The following EAF2 variants were observed in gnomAD, a reference collection of about 807,000 sequenced individuals.
The protein encoded by EAF2 is ELL associated factor 2, also known as ELL-associated factor 2.
EAF2 carries 29 observed loss-of-function variants against 29.4 expected under a neutral mutation model. The observed-to-expected ratio is 0.99, with a 90% CI of 0.73 to 1.35. The LOEUF (loss-of-function observed/expected upper bound fraction) is 1.35. EAF2 is among the 40% of genes most tolerant of loss of function. The pLI, the probability that EAF2 is intolerant of heterozygous loss-of-function variation, is 0.00. For synonymous variants in EAF2, 103 were observed against 102.5 expected (o/e 1.00, Z -0.03); for missense variants, 292 against 312.0 (o/e 0.94, Z 0.48).
chr3:121,874,655 A>G (rs147930981), intron 5 of EAF2, among the ~76,000 whole-genome samples: 37 of 152,044 alleles, frequency 2.4e-4, no homozygotes, highest in African/African-American at 8.4e-4. Context: ...GGGGTTCAGG[A>G]TATTTTATAT....
At chr3:121,879,350 T>C (rs371667346) in intron 5 of EAF2, among the ~76,000 whole-genome samples, 73 of 152,224 alleles carry the variant, frequency 4.8e-4, no homozygotes, top group African/African-American at 1.7e-3. Flanking sequence ...CTTTACTCCA[T>C]TGATTGTTTC....
chr3:121,881,862 G>A (rs371127108), intron 5 of EAF2, among the ~76,000 whole-genome samples: 21 of 152,066 alleles, frequency 1.4e-4, no homozygotes, highest in African/African-American at 3.4e-4. Flanking sequence ...ACATAGGAAC[G>A]GATGGTTTTG....
intron 5 of EAF2, among the ~76,000 whole-genome samples, chr3:121,880,285 G>C (rs1709170926): frequency 1.3e-5 from 2 of 148,484 alleles, no homozygotes; most frequent in African/African-American, 5.0e-5. Context: ...TGGGACTATA[G>C]GTGTGCACCA....
intron 4 of EAF2, among the ~76,000 whole-genome samples, chr3:121,864,900 G>C (rs766901736): frequency 6.6e-6 from 1 of 152,024 alleles, no homozygotes; most frequent in Non-Finnish European, 1.5e-5. Flanking sequence ...AGCATATGTT[G>C]TATCATCTGA....
At position 121,844,450 on chromosome 3, in the gene EAF2, T is replaced by C. The variant is rs1464350528; in HGVS notation, c.107-3T>C. The C allele has an allele frequency of 6.3e-7, 1 of 1,590,132 alleles. No homozygotes were observed. Among genetic ancestry groups the C allele is most frequent in the Non-Finnish European group, 8.6e-7 (1 of 1,167,622 alleles). ...AAAAATTGGTATTTGTATCTATTTT[T>C]AGATGACTTCAAACCTGCTTCTATT... On this transcript the variant is annotated splice_polypyrimidine_tract_variant and splice_region_variant and intron_variant, in intron 1 of 5. Transcript: ENST00000273668.
chr3:121,869,078 TA>T (rs1414888069), intron 4 of EAF2, among the ~76,000 whole-genome samples: 7 of 152,312 alleles, frequency 4.6e-5, no homozygotes, highest in African/African-American at 1.7e-4. Context: ...GAGATATCTC[TA>T]AACACTTGAA....
chr3:121,840,552 T>TC (rs1463022518), intron 1 of EAF2, among the ~76,000 whole-genome samples: 2 of 133,902 alleles, frequency 1.5e-5, no homozygotes, highest in East Asian at 4.8e-4. Context: ...ACGCCTGTAA[T>TC]CCCAGCACTT....
intron 2 of EAF2, among the ~76,000 whole-genome samples, chr3:121,847,423 CA>C (rs1162136257): frequency 1.3e-5 from 2 of 152,072 alleles, no homozygotes; most frequent in African/African-American, 2.4e-5. Flanking sequence ...GATACAACAA[CA>C]AAAGAAAGTT....
chr3:121,857,646 A>G (rs1258328720), intron 4 of EAF2, among the ~76,000 whole-genome samples: 5 of 152,158 alleles, frequency 3.3e-5, no homozygotes, highest in Admixed American at 3.3e-4. Flanking sequence ...TTATGTAAGC[A>G]ATATCCATAT....
At chr3:121,846,717 G>T (rs78883614) in intron 2 of EAF2, among the ~76,000 whole-genome samples, 18,373 of 142,112 alleles carry the variant, frequency 0.13, 1,255 homozygotes, top group African/African-American at 0.18. Flanking sequence ...CACTTTAGTT[G>T]GATTTTTTTT....
intron 4 of EAF2, among the ~76,000 whole-genome samples, chr3:121,860,541 C>G (rs1407589202): frequency 6.6e-6 from 1 of 152,138 alleles, no homozygotes; most frequent in Non-Finnish European, 1.5e-5. Flanking sequence ...GTTATTGTAT[C>G]TATTTGATTC....
intron 2 of EAF2, among the ~76,000 whole-genome samples, chr3:121,847,717 T>C (rs1708553994): frequency 6.6e-6 from 1 of 152,198 alleles, no homozygotes; most frequent in South Asian, 2.1e-4. Context: ...AACCATTGTT[T>C]TATATGTGCA....
chr3:121,885,739 C>G (rs1336429510), intron 5 of EAF2, among the ~76,000 whole-genome samples: 1 of 152,168 alleles, frequency 6.6e-6, no homozygotes, highest in East Asian at 1.9e-4. Flanking sequence ...CTCAAAAAGG[C>G]CTTCAAAACT....
chr3:121,885,074 AT>A (rs1709261330), intron 5 of EAF2, among the ~76,000 whole-genome samples: 2 of 152,150 alleles, frequency 1.3e-5, no homozygotes, highest in African/African-American at 2.4e-5. Flanking sequence ...GGTATCTCAA[AT>A]TTACCACATG....
intron 4 of EAF2, among the ~76,000 whole-genome samples, chr3:121,865,629 G>T (rs1409700123): frequency 6.6e-6 from 1 of 151,880 alleles, no homozygotes; most frequent in African/African-American, 2.4e-5. Context: ...ATCGTTTGAG[G>T]CCAGGAGTTT....
rs751820417 is a variant in EAF2 at position 121,886,324 on chromosome 3, A to C, written c.737-18A>C. 19 of 1,455,180 alleles carry C rather than the reference A, an allele frequency of 1.3e-5. No homozygotes were observed. Among genetic ancestry groups the C allele is most frequent in the Middle Eastern group, 2.4e-4 (1 of 4,162 alleles). The allele number at this position is 1,455,180 out of a possible 1,614,324, so 90.1% of individuals were successfully genotyped here. On this transcript the variant is annotated intron_variant, in intron 5 of 5. Transcript: ENST00000273668. The stretch of plus-strand genomic sequence containing the variant: ...AATATTTAATTACTACAGTTTTGTT[A>C]TTTCTTTCTTATTTTAGGAAATGAT...
At chr3:121,849,979 T>TTTTTTTTTTTTTTTTTTTTTTGA (rs1708600549) in intron 2 of EAF2, among the ~76,000 whole-genome samples, 1 of 150,352 alleles carries the variant, frequency 6.7e-6, no homozygotes, top group African/African-American at 2.4e-5. Context: ...TTTTGTGTGT[T>TTTTTTTTTTTTTTTTTTTTTTGA]CACAGAATCT....
chr3:121,873,600 ATT>A (rs1283471179), intron 5 of EAF2, among the ~76,000 whole-genome samples: 9 of 151,642 alleles, frequency 5.9e-5, no homozygotes, highest in Admixed American at 5.3e-4. Flanking sequence ...TTCTAATACA[ATT>A]TGTCATCTCT....
At chr3:121,844,650 A>T in intron 2 of EAF2, 103 bp downstream of exon 2, 1 of 735,066 alleles carries the variant, frequency 1.4e-6, no homozygotes, top group Non-Finnish European at 2.2e-6. Flanking sequence ...GGTTAAAGTA[A>T]TTAGTAAGCA....
Sources: allele counts gnomAD v4.1 joint callset (sites outside exome capture counted in the v4.1 genomes callset), GRCh38; gene constraint gnomAD v4.1.1; transcripts MANE v1.5; gene names NCBI Gene and HGNC (gene_info 2026-07-23, HGNC 2026-07-21).